The following SDK1 variants were observed in gnomAD, a reference collection of about 807,000 sequenced individuals.
SDK1 encodes the protein sidekick cell adhesion molecule 1, also known as protein sidekick-1.
In SDK1, 157 loss-of-function variants were observed where a neutral mutation model predicts 245.5. That is an observed-to-expected ratio of 0.64 (90% CI 0.56 to 0.73). The LOEUF is 0.73. SDK1 is among the 30% of genes least tolerant of loss of function. The pLI, the probability that SDK1 is intolerant of heterozygous loss-of-function variation, is 0.00. For synonymous variants in SDK1, 1,647 were observed against 1,278.5 expected, an observed-to-expected ratio of 1.29 and a Z score of -6.15; for missense variants, 3,583 against 3,002.3, an observed-to-expected ratio of 1.19 and a Z score of -4.52.
chr7:3,911,971 GAGGGCATTCT>G (rs1779182962), intron 5 of SDK1, among the ~76,000 whole-genome samples: 1 of 152,150 alleles, frequency 6.6e-6, no homozygotes, highest in Non-Finnish European at 1.5e-5. Flanking sequence ...TGAGGTGGGG[GAGGGCATTCT>G]AGGGAAGGGG....
chr7:3,975,521 T>G (rs1459662481), intron 13 of SDK1, among the ~76,000 whole-genome samples: 1 of 152,242 alleles, frequency 6.6e-6, no homozygotes, highest in Non-Finnish European at 1.5e-5. Flanking sequence ...CGTGACTCAT[T>G]GATCCCTGAA....
At chr7:3,498,871 T>A (rs1782105954) in intron 1 of SDK1, among the ~76,000 whole-genome samples, 1 of 152,196 alleles carries the variant, frequency 6.6e-6, no homozygotes, top group South Asian at 2.1e-4. Context: ...TGAAAGGCAT[T>A]TCTTATCCTG....
chr7:4,234,750 G>A (rs1412876468), intron 41 of SDK1, among the ~76,000 whole-genome samples: 4 of 152,170 alleles, frequency 2.6e-5, no homozygotes, highest in Admixed American at 6.5e-5. Context: ...TCTTTACCCC[G>A]CGATGATTCT....
At chr7:3,321,165 A>G (rs1476815029) in intron 1 of SDK1, among the ~76,000 whole-genome samples, 1 of 152,330 alleles carries the variant, frequency 6.6e-6, no homozygotes, top group East Asian at 1.9e-4. Context: ...ATCTTTTTGA[A>G]ACTAAAAATC....
intron 1 of SDK1, among the ~76,000 whole-genome samples, chr7:3,349,535 G>A (rs1780601132): frequency 6.6e-6 from 1 of 152,168 alleles, no homozygotes; most frequent in African/African-American, 2.4e-5. Context: ...AGAGGACTAA[G>A]AAGCGAAGGA....
intron 1 of SDK1, among the ~76,000 whole-genome samples, chr7:3,336,351 G>C (rs1401632563): frequency 6.6e-6 from 1 of 152,188 alleles, no homozygotes; most frequent in African/African-American, 2.4e-5. Context: ...CTAGTGGGGA[G>C]CTGATCTTCC....
chr7:3,967,915 A>G (rs537401899), intron 10 of SDK1, among the ~76,000 whole-genome samples: 62 of 152,346 alleles, frequency 4.1e-4, no homozygotes, highest in African/African-American at 1.4e-3. Context: ...GCAAGATACC[A>G]TGGGCACAAG....
chr7:3,481,349 C>A (rs997486605), intron 1 of SDK1, among the ~76,000 whole-genome samples: 1 of 152,168 alleles, frequency 6.6e-6, no homozygotes, highest in Admixed American at 6.5e-5. Flanking sequence ...GCATATCATC[C>A]TGGTACAGTT....
At chr7:3,477,195 T>G (rs1781371931) in intron 1 of SDK1, among the ~76,000 whole-genome samples, 1 of 134,044 alleles carries the variant, frequency 7.5e-6, no homozygotes, top group Non-Finnish European at 1.6e-5. Context: ...TCTCCTTTTT[T>G]TTTTTTTTTT....
intron 1 of SDK1, among the ~76,000 whole-genome samples, chr7:3,327,226 G>C (rs1779960086): frequency 6.6e-6 from 1 of 152,176 alleles, no homozygotes; most frequent in African/African-American, 2.4e-5. Flanking sequence ...ATGGTTGAAG[G>C]AACCAGGTGG....
At chr7:3,968,340 G>T (rs1782235228) in intron 10 of SDK1, among the ~76,000 whole-genome samples, 1 of 152,204 alleles carries the variant, frequency 6.6e-6, no homozygotes, top group Admixed American at 6.5e-5. Flanking sequence ...GAACAAGTCT[G>T]TGCTTAGCCT....
chr7:4,113,738 G>C (rs1304608984), intron 24 of SDK1, among the ~76,000 whole-genome samples: 2 of 152,142 alleles, frequency 1.3e-5, no homozygotes, highest in Non-Finnish European at 2.9e-5. Flanking sequence ...AGGTCAACAT[G>C]GAACCAATAC....
chr7:4,072,717 A>G (rs1780333959), intron 20 of SDK1, among the ~76,000 whole-genome samples: 1 of 152,228 alleles, frequency 6.6e-6, no homozygotes, highest in African/African-American at 2.4e-5. Context: ...TGCACCTGCT[A>G]TTAAAGGCAG....
At chr7:3,712,005 A>G (rs1397982951) in intron 4 of SDK1, among the ~76,000 whole-genome samples, 1 of 152,228 alleles carries the variant, frequency 6.6e-6, no homozygotes, top group Non-Finnish European at 1.5e-5. Context: ...TTGGTGTGAC[A>G]GTTCCATAAG....
intron 5 of SDK1, among the ~76,000 whole-genome samples, chr7:3,836,241 A>G (rs1583462691): frequency 1.3e-5 from 2 of 152,250 alleles, no homozygotes; most frequent in Non-Finnish European, 1.5e-5. Flanking sequence ...CAAATGAGCT[A>G]TAAATATTAG....
chr7:3,783,463 A>G (rs1780809150), intron 4 of SDK1, among the ~76,000 whole-genome samples: 1 of 149,536 alleles, frequency 6.7e-6, no homozygotes, highest in Non-Finnish European at 1.5e-5. Flanking sequence ...AGAAAATGCT[A>G]CAGACCCCAC....
In SDK1 at chr7:3,839,299, G is replaced by C. The variant is rs149059112; in HGVS notation, c.847+17716G>C. On this transcript the variant is annotated intron_variant, in intron 5 of 44. Transcript: ENST00000404826. Reference sequence around the variant, plus strand: ...AGGAGAATTTCAAACATTAGGGTCGGTATTGAGAAAGTGGATGGCTTTAAT... The same window carrying C: ...AGGAGAATTTCAAACATTAGGGTCGCTATTGAGAAAGTGGATGGCTTTAAT... Among the ~76,000 whole-genome samples the C allele has an allele frequency of 4.8e-3, 737 of 152,244 alleles. 7 individuals carry two copies. Among genetic ancestry groups the C allele is most frequent in the African/African-American group, 0.017 (692 of 41,548 alleles).
chr7:3,534,080 G>A (rs892106408), intron 1 of SDK1, among the ~76,000 whole-genome samples: 2 of 152,094 alleles, frequency 1.3e-5, no homozygotes, highest in Admixed American at 1.3e-4. Flanking sequence ...CTCCCTGCCC[G>A]ACATTGTTCT....
At chr7:4,213,825 C>T (rs1683530184) in intron 38 of SDK1, among the ~76,000 whole-genome samples, 1 of 152,180 alleles carries the variant, frequency 6.6e-6, no homozygotes, top group Non-Finnish European at 1.5e-5. Context: ...CGTTTCATGA[C>T]AGTTTTTGCA....
Sources: gnomAD v4.1 joint callset for allele counts (sites outside exome capture counted in the v4.1 genomes callset) on GRCh38, gnomAD v4.1.1 for gene constraint, MANE v1.5 for transcripts, NCBI Gene and HGNC (gene_info 2026-07-23, HGNC 2026-07-21) for gene names.